Variants in EYS observed in about 807,000 individuals in gnomAD.
EYS encodes the protein protein eyes shut homolog.
Under a neutral mutation model 282.1 loss-of-function variants are expected in EYS, and 250 were observed. That is an observed-to-expected ratio of 0.89 (90% CI 0.80 to 0.98). The LOEUF (loss-of-function observed/expected upper bound fraction) is 0.98. Ranked by LOEUF, EYS falls within the 50% of genes least tolerant of loss-of-function variation. The pLI is 0.00. For synonymous variants in EYS, 1,355 were observed against 1,282.9 expected, an observed-to-expected ratio of 1.06 and a Z score of -1.20; for missense variants, 4,016 against 3,709.0, an observed-to-expected ratio of 1.08 and a Z score of -2.15.
At chr6:65,117,209 G>C (rs1775401768) in intron 12 of EYS, among the ~76,000 whole-genome samples, 1 of 152,218 alleles carries the variant, frequency 6.6e-6, no homozygotes, top group East Asian at 1.9e-4. Flanking sequence ...CCAAATGAAC[G>C]AACCAAATGA....
intron 1 of EYS, among the ~76,000 whole-genome samples, chr6:65,701,242 A>C (rs896064741): frequency 3.3e-5 from 5 of 152,330 alleles, no homozygotes; most frequent in African/African-American, 1.2e-4. Context: ...GGATTGTGGC[A>C]ACAGGCTACC....
At chr6:64,251,896 G>C (rs1258002227) in intron 30 of EYS, among the ~76,000 whole-genome samples, 2 of 152,128 alleles carry the variant, frequency 1.3e-5, no homozygotes, top group Non-Finnish European at 2.9e-5. Flanking sequence ...AGGCTTCAAA[G>C]AGAGGTCAAC....
chr6:64,269,923 T>C (rs1767886145), intron 30 of EYS, among the ~76,000 whole-genome samples: 1 of 152,002 alleles, frequency 6.6e-6, no homozygotes, highest in Admixed American at 6.6e-5. Flanking sequence ...AAAGGACAAT[T>C]CCTATTTTTT....
intron 2 of EYS, among the ~76,000 whole-genome samples, chr6:65,620,852 G>T (rs1766451178): frequency 6.6e-6 from 1 of 152,170 alleles, no homozygotes. Flanking sequence ...TTTCCATGTA[G>T]TTGAGCAGTT....
chr6:64,254,425 C>A (rs745636224), intron 30 of EYS, among the ~76,000 whole-genome samples: 2 of 152,072 alleles, frequency 1.3e-5, no homozygotes, highest in East Asian at 3.9e-4. Flanking sequence ...GCTGACCTAT[C>A]TTACTACATC....
At chr6:64,076,936 C>G (rs909959305) in intron 32 of EYS, among the ~76,000 whole-genome samples, 1 of 151,932 alleles carries the variant, frequency 6.6e-6, no homozygotes, top group Non-Finnish European at 1.5e-5. Context: ...AGGTGAGAAA[C>G]TAGGGATATA....
At chr6:63,995,209 C>A (rs940512976) in intron 34 of EYS, among the ~76,000 whole-genome samples, 2 of 151,780 alleles carry the variant, frequency 1.3e-5, no homozygotes, top group African/African-American at 4.8e-5. Context: ...ACAAACAAAA[C>A]CCCAGTATAA....
chr6:65,518,164 C>G (rs1204519850), intron 2 of EYS, among the ~76,000 whole-genome samples: 2 of 152,108 alleles, frequency 1.3e-5, no homozygotes, highest in East Asian at 3.9e-4. Context: ...TTGGCAGAAT[C>G]CAAACTTATA....
chr6:64,138,894 C>A (rs1263915130), intron 31 of EYS, among the ~76,000 whole-genome samples: 1 of 152,142 alleles, frequency 6.6e-6, no homozygotes, highest in African/African-American at 2.4e-5. Context: ...CCTAGTGTTC[C>A]ATTATTGGAA....
chr6:64,405,826 G>C (rs1773689034), intron 28 of EYS, among the ~76,000 whole-genome samples: 1 of 152,132 alleles, frequency 6.6e-6, no homozygotes, highest in Middle Eastern at 3.2e-3. Context: ...AACAAGAGAG[G>C]AAACAAACAA....
chr6:64,568,664 G>T (rs1765630393), intron 26 of EYS, among the ~76,000 whole-genome samples: 2 of 152,130 alleles, frequency 1.3e-5, no homozygotes, highest in South Asian at 4.1e-4. Flanking sequence ...GTGGGTCCCT[G>T]ACCCCAGTGA....
intron 14 of EYS, among the ~76,000 whole-genome samples, chr6:64,962,165 G>C (rs766992146): frequency 6.6e-6 from 1 of 151,922 alleles, no homozygotes; most frequent in Admixed American, 6.6e-5. Flanking sequence ...TTCTCGGTTA[G>C]CACACTTGCT....
At chr6:65,488,322 T>C (rs929456195) in intron 5 of EYS, among the ~76,000 whole-genome samples, 1 of 152,176 alleles carries the variant, frequency 6.6e-6, no homozygotes, top group Non-Finnish European at 1.5e-5. Context: ...GGGCTATAAA[T>C]TTCCCTCTAC....
chr6:64,821,621 C>G, intron 21 of EYS, 24 bp downstream of exon 21: 7 of 1,277,462 alleles, frequency 5.5e-6, no homozygotes, highest in Non-Finnish European at 7.6e-6. Context: ...TGTCATATAA[C>G]TTGAATAAAA....
At chr6:65,396,353 T>C (rs529039332) in intron 7 of EYS, among the ~76,000 whole-genome samples, 115 of 152,250 alleles carry the variant, frequency 7.6e-4, no homozygotes, top group African/African-American at 2.6e-3. Flanking sequence ...CTCATTTCTC[T>C]TTCTAATTTA....
chr6:65,333,728 T>C (rs1049001822), intron 11 of EYS, among the ~76,000 whole-genome samples: 1 of 143,546 alleles, frequency 7.0e-6, no homozygotes, highest in Non-Finnish European at 1.6e-5. Flanking sequence ...GTTGTGTATA[T>C]ACATATATAT....
intron 35 of EYS, among the ~76,000 whole-genome samples, chr6:63,897,433 C>G (rs982083441): frequency 2.6e-5 from 4 of 151,778 alleles, no homozygotes; most frequent in Non-Finnish European, 5.9e-5. Flanking sequence ...GAGAGATTAC[C>G]CAGACTGAAG....
At chr6:64,260,697 T>C (rs2150352825) in intron 30 of EYS, among the ~76,000 whole-genome samples, 1 of 152,182 alleles carries the variant, frequency 6.6e-6, no homozygotes, top group South Asian at 2.1e-4. Flanking sequence ...TGGAGGTTAT[T>C]CCTAGGACTG....
intron 19 of EYS, among the ~76,000 whole-genome samples, chr6:64,864,773 C>T (rs951194331): frequency 2.0e-5 from 3 of 151,634 alleles, no homozygotes; most frequent in African/African-American, 4.8e-5. Context: ...CAGTGGCTCA[C>T]GTCTGTAATC....
Sources: allele counts gnomAD v4.1 joint callset (sites outside exome capture counted in the v4.1 genomes callset), GRCh38; gene constraint gnomAD v4.1.1; transcripts MANE v1.5; gene names NCBI Gene and HGNC (gene_info 2026-07-23, HGNC 2026-07-21).